Variants in HEATR5A observed in about 807,000 individuals in gnomAD.
The protein encoded by HEATR5A is HEAT repeat-containing protein 5A.
In HEATR5A, 178 loss-of-function variants were observed where a neutral mutation model predicts 218.8. The observed-to-expected ratio is 0.81, with a 90% confidence interval of 0.72 to 0.92. The LOEUF is 0.92. Ranked by LOEUF, HEATR5A falls within the 40% of genes least tolerant of loss-of-function variation. The probability of loss-of-function intolerance (pLI) is 0.00; values close to 1 mark genes in which losing one functional copy is unlikely to be tolerated. For synonymous variants in HEATR5A, 864 were observed against 871.6 expected, an observed-to-expected ratio of 0.99 and a Z score of 0.15; for missense variants, 2,420 against 2,418.9, an observed-to-expected ratio of 1.00 and a Z score of -0.01.
intron 2 of HEATR5A, among the ~76,000 whole-genome samples, chr14:31,401,425 A>G (rs2030876201): frequency 6.6e-6 from 1 of 151,956 alleles, no homozygotes; most frequent in African/African-American, 2.4e-5. Context: ...GAGGCCTCCC[A>G]CTCATGCCTG....
intron 13 of HEATR5A, among the ~76,000 whole-genome samples, chr14:31,366,404 A>G (rs1188755130): frequency 3.3e-5 from 5 of 152,238 alleles, no homozygotes; most frequent in Non-Finnish European, 5.9e-5. Context: ...AAGTCTTTCA[A>G]TCATATTCAC....
chr14:31,320,633 A>G (rs1477802713), intron 25 of HEATR5A: 2 of 672,030 alleles, frequency 3.0e-6, no homozygotes, highest in African/African-American at 1.8e-5. Flanking sequence ...GGTGGTCTGC[A>G]TTTTTTCAGT....
chr14:31,385,827 A>C (rs1347567295), intron 9 of HEATR5A, among the ~76,000 whole-genome samples: 1 of 152,154 alleles, frequency 6.6e-6, no homozygotes, highest in Non-Finnish European at 1.5e-5. Flanking sequence ...TCTGGGGCTC[A>C]AGCGATTCTC....
At chr14:31,362,238 G>C (rs1251482935) in intron 14 of HEATR5A, among the ~76,000 whole-genome samples, 1 of 151,930 alleles carries the variant, frequency 6.6e-6, no homozygotes, top group Non-Finnish European at 1.5e-5. Context: ...CAATGTGCTG[G>C]GATTATAGAT....
Position 31,306,897 on chromosome 14 carries a change from T to C in HEATR5A, c.4819-18A>G. 6.4e-7 allele frequency: 1 copy of C among 1,572,984 alleles called. No homozygotes were observed. Among genetic ancestry groups the C allele is most frequent in the Non-Finnish European group, 8.7e-7 (1 of 1,151,656 alleles). ...CCCAAGTCCTATCATGGAAATCATG[T>C]ACAGGACACTGTATTAGAAATTATA... On this transcript the variant is annotated intron_variant, in intron 30 of 35. Coordinates refer to ENST00000543095, the MANE Select transcript of HEATR5A (RefSeq NM_015473.4).
At chr14:31,300,459 TTCTGAGAAGCC>T (rs1899333698) in intron 33 of HEATR5A, among the ~76,000 whole-genome samples, 1 of 152,080 alleles carries the variant, frequency 6.6e-6, no homozygotes, top group Non-Finnish European at 1.5e-5. Context: ...GCGTTGACTC[TTCTGAGAAGCC>T]TCTAGTGGTG....
intron 12 of HEATR5A, 22 bp from the exon 13 acceptor site, chr14:31,371,931 T>C (rs1360315163): frequency 8.5e-7 from 1 of 1,175,058 alleles, no homozygotes; most frequent in Non-Finnish European, 1.2e-6. Flanking sequence ...AACAGACTTT[T>C]ACTTGGGCAT....
At chr14:31,413,417 G>C (rs1298440013) in intron 1 of HEATR5A, among the ~76,000 whole-genome samples, 2 of 145,090 alleles carry the variant, frequency 1.4e-5, no homozygotes, top group Non-Finnish European at 3.0e-5. Flanking sequence ...AATACTGCAT[G>C]TTATTGTAAG....
At chr14:31,348,588 T>A (rs1901100257) in intron 18 of HEATR5A, among the ~76,000 whole-genome samples, 2 of 152,072 alleles carry the variant, frequency 1.3e-5, no homozygotes, top group Admixed American at 1.3e-4. Context: ...GTATCGAAAA[T>A]AAATAAAATT....
At chr14:31,407,584 T>TTATATATATATATATATA (rs1039144242) in intron 1 of HEATR5A, among the ~76,000 whole-genome samples, 1 of 1,336 alleles carries the variant, frequency 7.5e-4, no homozygotes, top group African/African-American at 9.6e-4. Flanking sequence ...CTTATTTTAT[T>TTATATATATATATATATA]TATATATATA....
chr14:31,316,412 G>A (rs1206294964), intron 26 of HEATR5A, among the ~76,000 whole-genome samples: 2 of 152,100 alleles, frequency 1.3e-5, no homozygotes, highest in African/African-American at 2.4e-5. Context: ...TATTGCTTTC[G>A]AGAAATCCTA....
intron 25 of HEATR5A, chr14:31,320,302 G>T: frequency 1.4e-6 from 1 of 734,546 alleles, no homozygotes; most frequent in South Asian, 1.3e-5. Context: ...AGCCCAGAAT[G>T]GCATAGAAGA....
At chr14:31,383,873 T>G in intron 9 of HEATR5A, 102 bp from the exon 10 acceptor site, 2 of 880,672 alleles carry the variant, frequency 2.3e-6, no homozygotes, top group Non-Finnish European at 3.3e-6. Flanking sequence ...AAATATATTT[T>G]TATCAAAAGC....
intron 21 of HEATR5A, among the ~76,000 whole-genome samples, chr14:31,339,326 T>C (rs993369372): frequency 6.6e-6 from 1 of 151,162 alleles, no homozygotes; most frequent in South Asian, 2.1e-4. Context: ...GGCACACACC[T>C]GTAGTCCCAG....
intron 22 of HEATR5A, among the ~76,000 whole-genome samples, chr14:31,336,366 T>C (rs1434946849): frequency 1.3e-5 from 2 of 151,154 alleles, no homozygotes; most frequent in East Asian, 3.9e-4. Context: ...AGTGCTGAGA[T>C]TACAAGCATG....
chr14:31,382,742 G>A (rs2030046242), intron 10 of HEATR5A, among the ~76,000 whole-genome samples: 1 of 150,140 alleles, frequency 6.7e-6, no homozygotes, highest in Non-Finnish European at 1.5e-5. Flanking sequence ...TGGAGAAGTT[G>A]AATATCATTA....
chr14:31,308,523 A>AAAT (rs1899629326), intron 29 of HEATR5A, among the ~76,000 whole-genome samples: 1 of 151,772 alleles, frequency 6.6e-6, no homozygotes, highest in African/African-American at 2.4e-5. Context: ...AAAAAAAAAA[A>AAAT]AAATCTAAAC....
At chr14:31,389,067 G>A in intron 6 of HEATR5A, 62 bp from the exon 7 acceptor site, 1 of 1,404,986 alleles carries the variant, frequency 7.1e-7, no homozygotes, top group Non-Finnish European at 9.6e-7. Flanking sequence ...GTAAGTTCTT[G>A]ATTTGCAAAA....
chr14:31,361,668 C>T (rs1243345031), intron 14 of HEATR5A, among the ~76,000 whole-genome samples: 1 of 152,108 alleles, frequency 6.6e-6, no homozygotes, highest in Non-Finnish European at 1.5e-5. Flanking sequence ...CACTAACTTG[C>T]TGGTGAGTTA....
Sources: gnomAD v4.1 joint callset for allele counts (sites outside exome capture counted in the v4.1 genomes callset) on GRCh38, gnomAD v4.1.1 for gene constraint, MANE v1.5 for transcripts, NCBI Gene and HGNC (gene_info 2026-07-23, HGNC 2026-07-21) for gene names.